CPE: variants seen among roughly 807,000 people sequenced by gnomAD.
CPE encodes the protein carbocypeptidase E.
CPE carries 17 observed loss-of-function variants against 53.5 expected under a neutral mutation model. The observed-to-expected ratio is 0.32, with a 90% CI of 0.22 to 0.48. The LOEUF is 0.48. Among genes scored for constraint, CPE ranks in the 20% least tolerant of loss-of-function variants. The pLI is 0.99. For missense variants in CPE, 524 were observed against 614.7 expected (o/e 0.85, Z 1.56); for synonymous variants, 226 against 228.8 (o/e 0.99, Z 0.11).
chr4:165,438,431 A>G lies in CPE; in HGVS notation c.308-25959A>G, dbSNP rs534291451. On this transcript the variant is annotated intron_variant, in intron 1 of 8. Transcript: ENST00000402744. ...CTTTGAGGAAAGAGTAGGGGAAACA[A>G]TTGGTCATCTATCCTTCTTTATTTG... Among the ~76,000 whole-genome samples, 18 of 152,254 alleles carry G rather than the reference A, an allele frequency of 1.2e-4. 1 individual carries two copies. The South Asian group carries it at 3.7e-3, about 32-fold the overall frequency.
chr4:165,458,449 C>T (rs1374141370), intron 1 of CPE, among the ~76,000 whole-genome samples: 1 of 152,070 alleles, frequency 6.6e-6, no homozygotes, highest in South Asian at 2.1e-4. Context: ...AATTAGTGCA[C>T]CTATATTTTG....
At chr4:165,488,349 G>C (rs1396797169) in intron 6 of CPE, among the ~76,000 whole-genome samples, 4 of 152,180 alleles carry the variant, frequency 2.6e-5, no homozygotes, top group African/African-American at 9.7e-5. Flanking sequence ...ATCTTTACCA[G>C]AGAGTCATTT....
Position 165,422,188 on chromosome 4 carries a change from T to C in CPE, c.308-42202T>C, listed in dbSNP as rs999231493. ...TATTAAAATTCTCTGGAATAGATTT[T>C]AATTTTTTTCTTAACACCAATTTAA... On this transcript the variant is annotated intron_variant, in intron 1 of 8. Coordinates refer to ENST00000402744, the MANE Select transcript of CPE (RefSeq NM_001873.4). 2.0e-5 allele frequency among the ~76,000 whole-genome samples: 3 copies of C among 152,118 alleles called. No homozygotes were observed. The East Asian group carries it at 5.8e-4, about 29-fold the overall frequency.
intron 1 of CPE, among the ~76,000 whole-genome samples, chr4:165,406,509 C>T (rs1279777761): frequency 6.6e-6 from 1 of 152,172 alleles, no homozygotes; most frequent in Non-Finnish European, 1.5e-5. Context: ...TAAGCTCCCT[C>T]CTAAAACTTG....
At chr4:165,479,227 G>C (rs1291993390) in intron 3 of CPE, among the ~76,000 whole-genome samples, 5 of 152,156 alleles carry the variant, frequency 3.3e-5, no homozygotes, top group African/African-American at 1.2e-4. Flanking sequence ...ATGCATTATA[G>C]AGTATTTTGA....
Position 165,498,210 on chromosome 4 carries a change from C to G in CPE, c.*600C>G, listed in dbSNP as rs1732740540. 6.6e-6 allele frequency: 1 copy of G among 152,004 alleles called. No individual in the cohort carries two copies. The highest frequency in any genetic ancestry group is 2.4e-5 in the African/African-American group (1 of 41,372). The allele number at this position is 152,004 out of a possible 1,614,324, so 9.4% of individuals were successfully genotyped here. A position where few individuals can be genotyped will look rare whatever the true frequency, so the allele number is the denominator to read the frequency against. On this transcript the variant is annotated 3_prime_UTR_variant, in exon 9 of 9. Coordinates refer to ENST00000402744, the MANE Select transcript of CPE (RefSeq NM_001873.4). ...CTTGCTTGTACATATAGGAGCAATA[C>G]TATTATATTATGTAGTCCGTTAACA...
intron 1 of CPE, among the ~76,000 whole-genome samples, chr4:165,397,425 T>C (rs1454621242): frequency 6.6e-6 from 1 of 152,222 alleles, no homozygotes; most frequent in African/African-American, 2.4e-5. Flanking sequence ...CATGTATATA[T>C]AGCTACATTC....
Position 165,425,192 on chromosome 4 carries a change from A to C in CPE, c.308-39198A>C, listed in dbSNP as rs187191135. On this transcript the variant is annotated intron_variant, in intron 1 of 8. Transcript: ENST00000402744. Reference sequence around the variant, plus strand: ...TGTGCCAGGCGGAAACTTCTTTTTAATTCCACTGTTGCTTACTATAAAGAT... The same window carrying C: ...TGTGCCAGGCGGAAACTTCTTTTTACTTCCACTGTTGCTTACTATAAAGAT... Among the ~76,000 whole-genome samples, 567 of 152,158 alleles carry C rather than the reference A, an allele frequency of 3.7e-3. 3 individuals are homozygous for C. Among genetic ancestry groups the C allele is most frequent in the African/African-American group, 0.013 (527 of 41,524 alleles).
chr4:165,482,436 A>AT (rs975735446), intron 4 of CPE, 77 bp downstream of exon 4: 98 of 1,037,888 alleles, frequency 9.4e-5, no homozygotes, highest in Middle Eastern at 2.1e-4. Flanking sequence ...GATTTCTGTA[A>AT]TTTTTTTTAA....
chr4:165,459,675 G>C (rs1012947485), intron 1 of CPE, among the ~76,000 whole-genome samples: 8 of 81,642 alleles, frequency 9.8e-5, no homozygotes, highest in East Asian at 3.3e-4. Context: ...AGGGCTGGGT[G>C]GGGGGGGGCG....
chr4:165,430,202 C>T (rs11727299), intron 1 of CPE, among the ~76,000 whole-genome samples: 44,846 of 151,872 alleles, frequency 0.3, 6,677 homozygotes, highest in Middle Eastern at 0.39. Flanking sequence ...AGTAACCATA[C>T]GTAGCCAAAT....
At chr4:165,485,227 C>T (rs116424182) in intron 5 of CPE, among the ~76,000 whole-genome samples, 4,077 of 152,174 alleles carry the variant, frequency 0.027, 198 homozygotes, top group African/African-American at 0.093. Flanking sequence ...CCAAGGCGGA[C>T]TTTACAGAGC....
chr4:165,425,592 T>C (rs2126676373), intron 1 of CPE, among the ~76,000 whole-genome samples: 1 of 152,070 alleles, frequency 6.6e-6, no homozygotes, highest in African/African-American at 2.4e-5. Context: ...ATTTACTAGA[T>C]ATTGACAATA....
At chr4:165,387,549 A>G (rs750859789) in intron 1 of CPE, among the ~76,000 whole-genome samples, 4 of 152,092 alleles carry the variant, frequency 2.6e-5, no homozygotes, top group East Asian at 1.9e-4. Context: ...GGTGTCTCAC[A>G]CCTGTAATCC....
At chr4:165,381,403 G>A in intron 1 of CPE, 4 of 431,086 alleles carry the variant, frequency 9.3e-6, no homozygotes, top group African/African-American at 6.2e-5. Context: ...TATGCAGTGT[G>A]GAAAAAATGA....
At chr4:165,431,758 T>G (rs116313591) in intron 1 of CPE, among the ~76,000 whole-genome samples, 2,825 of 152,144 alleles carry the variant, frequency 0.019, 82 homozygotes, top group African/African-American at 0.063. Context: ...TGTTGAAGTA[T>G]GAAGACAGTA....
intron 1 of CPE, among the ~76,000 whole-genome samples, chr4:165,408,480 G>A (rs1048599082): frequency 1.3e-5 from 2 of 152,118 alleles, no homozygotes; most frequent in Non-Finnish European, 2.9e-5. Context: ...GTGAGTAGAG[G>A]CAACTCAAAG....
chr4:165,424,640 T>G (rs1014151869), intron 1 of CPE, among the ~76,000 whole-genome samples: 4 of 151,986 alleles, frequency 2.6e-5, no homozygotes, highest in African/African-American at 9.7e-5. Context: ...TTCACGCCAT[T>G]CTCCTGCCTC....
intron 1 of CPE, among the ~76,000 whole-genome samples, chr4:165,429,701 A>T (rs1044388445): frequency 1.5e-5 from 1 of 68,018 alleles, no homozygotes; most frequent in Non-Finnish European, 3.1e-5. Flanking sequence ...GACCCTGTTT[A>T]AAAAAAAAAA....
Sources: allele counts gnomAD v4.1 joint callset (sites outside exome capture counted in the v4.1 genomes callset), GRCh38; gene constraint gnomAD v4.1.1; transcripts MANE v1.5; gene names NCBI Gene and HGNC (gene_info 2026-07-23, HGNC 2026-07-21).